LANCL2: variants seen among roughly 807,000 people sequenced by gnomAD.
LANCL2 encodes LanC like glutathione S-transferase 2.
A neutral mutation model predicts 56.9 loss-of-function variants in LANCL2; 33 were observed. The observed-to-expected ratio is 0.58, with a 90% CI of 0.44 to 0.78. LANCL2 has a LOEUF of 0.78. LANCL2 is among the 30% of genes least tolerant of loss of function. The pLI, the probability that LANCL2 is intolerant of heterozygous loss-of-function variation, is 0.00. For synonymous variants in LANCL2, 233 were observed against 228.2 expected, an observed-to-expected ratio of 1.02 and a Z score of -0.19; for missense variants, 562 against 580.2, an observed-to-expected ratio of 0.97 and a Z score of 0.32.
chr7:55,374,765 G>A (rs1182255208), intron 1 of LANCL2, among the ~76,000 whole-genome samples: 1 of 152,344 alleles, frequency 6.6e-6, no homozygotes, highest in East Asian at 1.9e-4. Flanking sequence ...CCCCTCAGCA[G>A]AAGGGTTTGT....
intron 5 of LANCL2, among the ~76,000 whole-genome samples, chr7:55,404,267 C>T (rs1386818883): frequency 1.3e-5 from 2 of 152,138 alleles, no homozygotes; most frequent in East Asian, 1.9e-4. Flanking sequence ...CTCCTCCTCC[C>T]TCCTCTACCT....
intron 6 of LANCL2, among the ~76,000 whole-genome samples, chr7:55,418,905 T>C (rs1393228968): frequency 6.6e-6 from 1 of 152,176 alleles, no homozygotes; most frequent in African/African-American, 2.4e-5. Flanking sequence ...GTTTTATTAA[T>C]ATGGTGATTT....
rs377393518 is a variant in LANCL2, at chr7:55,400,092, A to G, written c.666A>G (p.Ser222=). ...TAGGTCCAGGCACCGTGTGTGAGTC[A>G]GCTATTAAAGAGGTACTATGGGGTA... ...TEIGPGTVCE[S]AIKEVVNAII... The change falls in exon 4 of 9, where the codon TCA becomes TCG. Residue 222 remains serine (S), a synonymous_variant. Coordinates refer to ENST00000254770, the MANE Select transcript of LANCL2 (RefSeq NM_018697.4). 21 of 1,606,678 alleles carry G rather than the reference A, an allele frequency of 1.3e-5. No individual in the cohort carries two copies. The African/African-American group carries it at 1.3e-4, about 10-fold the overall frequency.
rs180886861 is a variant in LANCL2 at position 55,379,004 on chromosome 7, G to A, written c.204+12775G>A. On this transcript the variant is annotated intron_variant, in intron 1 of 8. Coordinates refer to ENST00000254770, the MANE Select transcript of LANCL2 (RefSeq NM_018697.4). ...AAAATTAGCCAGCCTGGTTGCAGGC[G>A]CCTGTAGTCCCAGCTACTCGGGAAG... Among the ~76,000 whole-genome samples, 327 of 152,284 alleles carry A rather than the reference G, an allele frequency of 2.1e-3. 12 individuals carry two copies. Among genetic ancestry groups the A allele is most frequent in the Admixed American group, 0.021 (318 of 15,302 alleles).
chr7:55,378,375 A>G (rs866081568), intron 1 of LANCL2, among the ~76,000 whole-genome samples: 26 of 152,110 alleles, frequency 1.7e-4, no homozygotes, highest in Middle Eastern at 6.8e-3. Context: ...CATAAGAATC[A>G]CTTGAACCCA....
intron 6 of LANCL2, among the ~76,000 whole-genome samples, chr7:55,423,115 A>G (rs889707397): frequency 2.6e-5 from 4 of 152,228 alleles, no homozygotes; most frequent in Non-Finnish European, 4.4e-5. Context: ...TTGCTGTAAT[A>G]CAATGTGGAG....
rs746631664 is a variant in LANCL2, at chr7:55,401,340, C to T, written c.825+20C>T. ...ATGCAGGTAGGTAAGAATACTCTTA[C>T]ACACTACAGTATATTTGATCAAACA... On this transcript the variant is annotated intron_variant, in intron 5 of 8. Coordinates refer to ENST00000254770, the MANE Select transcript of LANCL2 (RefSeq NM_018697.4). The T allele has an allele frequency of 2.5e-6, 4 of 1,599,920 alleles. No individual in the cohort carries two copies. Among genetic ancestry groups the T allele is most frequent in the South Asian group, 1.1e-5 (1 of 90,658 alleles).
chr7:55,373,594 C>T (rs1056659457), intron 1 of LANCL2, among the ~76,000 whole-genome samples: 2 of 151,972 alleles, frequency 1.3e-5, no homozygotes, highest in Non-Finnish European at 2.9e-5. Flanking sequence ...GCCATTGCAC[C>T]CAGGGAGTTA....
chr7:55,428,516 G>GC, intron 8 of LANCL2, 69 bp downstream of exon 8: 1 of 1,241,902 alleles, frequency 8.1e-7, no homozygotes, highest in South Asian at 1.2e-5. Context: ...TTGTGGACTG[G>GC]CACTGTTCAT....
intron 7 of LANCL2, 75 bp from the exon 8 acceptor site, chr7:55,428,300 G>A (rs997896208): frequency 2.3e-6 from 3 of 1,308,316 alleles, no homozygotes; most frequent in African/African-American, 2.9e-5. Context: ...TGCCTGTGAA[G>A]ACATTGCATT....
chr7:55,385,952 G>GA (rs1790120636), intron 1 of LANCL2, among the ~76,000 whole-genome samples: 1 of 152,198 alleles, frequency 6.6e-6, no homozygotes, highest in African/African-American at 2.4e-5. Flanking sequence ...TCCATGCTGA[G>GA]AAAAAGAATT....
chr7:55,371,317 G>A (rs1051697253), intron 1 of LANCL2, among the ~76,000 whole-genome samples: 1 of 151,962 alleles, frequency 6.6e-6, no homozygotes, highest in Non-Finnish European at 1.5e-5. Context: ...GCTCCCTCCC[G>A]AGCTCAAATT....
At chr7:55,418,382 A>G (rs1044855911) in intron 6 of LANCL2, among the ~76,000 whole-genome samples, 3 of 151,062 alleles carry the variant, frequency 2.0e-5, no homozygotes, top group Non-Finnish European at 4.4e-5. Flanking sequence ...GTTTCGCCAT[A>G]TTGACCAGGC....
chr7:55,391,051 C>T (rs1790182568), intron 1 of LANCL2, among the ~76,000 whole-genome samples: 1 of 133,878 alleles, frequency 7.5e-6, no homozygotes, highest in African/African-American at 2.8e-5. Context: ...GAGTCTCGCT[C>T]TGTCGCCCAG....
intron 5 of LANCL2, among the ~76,000 whole-genome samples, chr7:55,403,435 AAGAGAGGGAGAG>A (rs1003576383): frequency 2.6e-5 from 4 of 151,726 alleles, no homozygotes; most frequent in Non-Finnish European, 5.9e-5. Context: ...AGACCGTGGA[AAGAGAGGGAGAG>A]GGAGAGGGAG....
chr7:55,419,998 C>G (rs929853132), intron 6 of LANCL2, among the ~76,000 whole-genome samples: 5 of 151,970 alleles, frequency 3.3e-5, no homozygotes, highest in African/African-American at 9.7e-5. Flanking sequence ...ACAAAAAATC[C>G]AAAATTATCT....
intron 5 of LANCL2, among the ~76,000 whole-genome samples, chr7:55,410,665 G>A (rs934133078): frequency 6.6e-5 from 10 of 152,160 alleles, no homozygotes; most frequent in South Asian, 2.1e-4. Context: ...AGCAATATGC[G>A]GATTTATGTG....
At chr7:55,387,187 T>TTA (rs1192422818) in intron 1 of LANCL2, among the ~76,000 whole-genome samples, 5 of 152,054 alleles carry the variant, frequency 3.3e-5, no homozygotes, top group African/African-American at 1.2e-4. Flanking sequence ...AAGAGTGTGT[T>TTA]TAGGGTTAGG....
At chr7:55,392,010 T>C in intron 2 of LANCL2, 100 bp downstream of exon 2, 1 of 732,750 alleles carries the variant, frequency 1.4e-6, no homozygotes, top group Non-Finnish European at 2.3e-6. Flanking sequence ...GGTAAAGATT[T>C]GGCCAGGCAC....
Sources: allele counts gnomAD v4.1 joint callset (sites outside exome capture counted in the v4.1 genomes callset), GRCh38; gene constraint gnomAD v4.1.1; transcripts MANE v1.5; gene names NCBI Gene and HGNC (gene_info 2026-07-23, HGNC 2026-07-21).